The following NR3C1 variants were observed in gnomAD, a reference collection of about 807,000 sequenced individuals.
NR3C1 encodes the protein nuclear receptor subfamily 3 group C member 1, also known as glucocorticoid receptor.
NR3C1 carries 14 observed loss-of-function variants against 74.0 expected under a neutral mutation model. That is an observed-to-expected ratio of 0.19 (90% CI 0.12 to 0.30). The LOEUF is 0.30. Among genes scored for constraint, NR3C1 ranks in the 10% least tolerant of loss-of-function variants. The pLI is 1.00. For missense variants in NR3C1, 695 were observed against 909.8 expected (o/e 0.76, Z 3.04); for synonymous variants, 308 against 332.5 (o/e 0.93, Z 0.80).
intron 4 of NR3C1, 116 bp downstream of exon 4, chr5:143,309,979 CAT>C: frequency 1.3e-6 from 1 of 779,674 alleles, no homozygotes. Flanking sequence ...GCTAGTCAAG[CAT>C]ATATATACTG....
intron 2 of NR3C1, among the ~76,000 whole-genome samples, chr5:143,367,249 A>G (rs1270552849): frequency 6.6e-6 from 1 of 152,206 alleles, no homozygotes; most frequent in Non-Finnish European, 1.5e-5. Flanking sequence ...TCAACAAACT[A>G]GGAACAGAAA....
chr5:143,405,457 C>T, upstream of NR3C1: 3 of 662,706 alleles, frequency 4.5e-6, no homozygotes, highest in African/African-American at 3.9e-5. Flanking sequence ...CAGCCCGTCC[C>T]CGCGGCCACC....
At chr5:143,379,048 T>C (rs1489468531) in intron 2 of NR3C1, among the ~76,000 whole-genome samples, 1 of 152,214 alleles carries the variant, frequency 6.6e-6, no homozygotes, top group African/African-American at 2.4e-5. Flanking sequence ...CTCTTAACTC[T>C]GAGCCTCAAC....
chr5:143,405,343 C>A, upstream of NR3C1: 4 of 985,756 alleles, frequency 4.1e-6, no homozygotes, highest in Non-Finnish European at 4.8e-6. Flanking sequence ...CCTCCCGCCG[C>A]GCTCAGACTG....
intron 2 of NR3C1, among the ~76,000 whole-genome samples, chr5:143,387,074 G>A (rs1480224800): frequency 2.0e-5 from 3 of 152,200 alleles, no homozygotes; most frequent in Admixed American, 1.3e-4. Context: ...AAACAATTAG[G>A]AGACTATTGA....
Position 143,279,854 on chromosome 5 carries a change from G to C in NR3C1, c.*2035C>G, listed in dbSNP as rs775062331. On this transcript the variant is annotated 3_prime_UTR_variant, in exon 9 of 9. Transcript: ENST00000394464. Reference sequence around the variant, plus strand: ...TGTATGTGAAAGTAACCCGCTATTAGATGGTGCCTTTAAGGATGTAAGCAC... The same window carrying C: ...TGTATGTGAAAGTAACCCGCTATTACATGGTGCCTTTAAGGATGTAAGCAC... 1 of 159,238 alleles carries C rather than the reference G, an allele frequency of 6.3e-6. No individual in the cohort carries two copies. The highest frequency in any genetic ancestry group is 6.5e-5 in the Admixed American group (1 of 15,324). The allele number at this position is 159,238 out of a possible 1,614,324, so 9.9% of individuals were successfully genotyped here.
At chr5:143,331,315 T>C (rs1825889003) in intron 2 of NR3C1, among the ~76,000 whole-genome samples, 1 of 152,180 alleles carries the variant, frequency 6.6e-6, no homozygotes, top group Non-Finnish European at 1.5e-5. Flanking sequence ...GAAAGGGAAA[T>C]GCTTATACAC....
chr5:143,288,473 G>A (rs545537141), intron 7 of NR3C1, among the ~76,000 whole-genome samples: 2 of 151,626 alleles, frequency 1.3e-5, no homozygotes, highest in Non-Finnish European at 2.9e-5. Flanking sequence ...TAGATTCAAG[G>A]CTATCCTAAT....
rs145223461 is a variant in NR3C1 at position 143,337,020 on chromosome 5, C to T, written c.1185-22852G>A. Among the ~76,000 whole-genome samples, 12 of 152,122 alleles carry T rather than the reference C, an allele frequency of 7.9e-5. No homozygotes were observed. In the South Asian group the frequency reaches 8.3e-4, roughly 11 times the overall value. On this transcript the variant is annotated intron_variant, in intron 2 of 8. Transcript: ENST00000394464. ...ATATACATATATATATATACACACA[C>T]GCACATGTGTGCGCACACACACATA... is the stretch of plus-strand genomic sequence containing the variant.
intron 7 of NR3C1, among the ~76,000 whole-genome samples, chr5:143,291,121 A>C (rs1815841009): frequency 6.6e-6 from 1 of 152,256 alleles, no homozygotes; most frequent in African/African-American, 2.4e-5. Flanking sequence ...CCCTCAAGGA[A>C]ATTGTTACTG....
intron 2 of NR3C1, among the ~76,000 whole-genome samples, chr5:143,340,787 C>T (rs1023171941): frequency 1.3e-5 from 2 of 151,826 alleles, no homozygotes; most frequent in South Asian, 2.1e-4. Flanking sequence ...GGCCAAAAGG[C>T]GATATTTTTT....
At chr5:143,409,864 A>C (rs1841235527) in intron 1 of NR3C1, among the ~76,000 whole-genome samples, 1 of 152,238 alleles carries the variant, frequency 6.6e-6, no homozygotes, top group East Asian at 1.9e-4. Flanking sequence ...GCTGTCTTTC[A>C]TGATGCTTTC....
intron 1 of NR3C1, among the ~76,000 whole-genome samples, chr5:143,431,567 G>T (rs1751826553): frequency 6.6e-6 from 1 of 152,072 alleles, no homozygotes; most frequent in South Asian, 2.1e-4. Flanking sequence ...AAACCTAGGT[G>T]GTGGGTTGAT....
At chr5:143,282,107 T>C in intron 8 of NR3C1, 66 bp from the exon 9 acceptor site, 1 of 1,576,924 alleles carries the variant, frequency 6.3e-7, no homozygotes, top group Non-Finnish European at 8.7e-7. Context: ...TCATGTTTGT[T>C]GTCCTCTATT....
chr5:143,434,633 G>A (rs1009800931), exon 1 of NR3C1: 164 of 985,320 alleles, frequency 1.7e-4, no homozygotes, highest in Non-Finnish European at 1.8e-4. Flanking sequence ...ACTAAAGCCC[G>A]AGGAGGGTAG....
At chr5:143,431,322 C>G (rs1751809473) in intron 1 of NR3C1, among the ~76,000 whole-genome samples, 1 of 152,120 alleles carries the variant, frequency 6.6e-6, no homozygotes, top group African/African-American at 2.4e-5. Context: ...TAGGGTGTTC[C>G]CAGATGGAGA....
intron 7 of NR3C1, among the ~76,000 whole-genome samples, chr5:143,285,526 G>T (rs989001276): frequency 4.6e-5 from 7 of 152,072 alleles, no homozygotes; most frequent in African/African-American, 1.7e-4. Flanking sequence ...CATAAAACAA[G>T]TCTGAATACA....
intron 2 of NR3C1, among the ~76,000 whole-genome samples, chr5:143,345,067 T>G (rs1325843809): frequency 6.6e-6 from 1 of 152,092 alleles, no homozygotes; most frequent in African/African-American, 2.4e-5. Context: ...GGTCCCAGTT[T>G]GAGTGTGAGT....
rs144094680 is a variant in NR3C1 at position 143,339,940 on chromosome 5, A to AG, written c.1185-25773dup. Among the ~76,000 whole-genome samples the AG allele has an allele frequency of 1.0e-3, 155 of 152,366 alleles. 3 individuals are homozygous for AG. The East Asian group carries it at 0.022, about 22-fold the overall frequency. On this transcript the variant is annotated intron_variant, in intron 2 of 8. Transcript: ENST00000394464. ...CCTTACATATGAATGGAGTCCCAGA[A>AG]GGGGAAGACAATGAAAATTCAAGAG...
Sources: gnomAD v4.1 joint callset for allele counts (sites outside exome capture counted in the v4.1 genomes callset) on GRCh38, gnomAD v4.1.1 for gene constraint, MANE v1.5 for transcripts, NCBI Gene and HGNC (gene_info 2026-07-23, HGNC 2026-07-21) for gene names.